Variants in SOX5 observed in about 807,000 individuals in gnomAD.
SOX5 encodes the protein SRY-box transcription factor 5, also known as transcription factor SOX-5.
SOX5 carries 9 observed loss-of-function variants against 92.0 expected under a neutral mutation model. The observed-to-expected ratio is 0.10, with a 90% CI of 0.06 to 0.17. The LOEUF is 0.17. SOX5 is among the 10% of genes least tolerant of loss of function. The pLI is 1.00. For synonymous variants in SOX5, 344 were observed against 336.3 expected (o/e 1.02, Z -0.25); for missense variants, 642 against 944.5 (o/e 0.68, Z 4.20).
At chr12:23,619,555 A>G (rs1191568293) in intron 8 of SOX5, among the ~76,000 whole-genome samples, 1 of 152,140 alleles carries the variant, frequency 6.6e-6, no homozygotes, top group East Asian at 1.9e-4. Context: ...ATTTTAATAC[A>G]GTAGTAGGGT....
chr12:24,210,477 A>T (rs1327803591), intron 4 of SOX5, among the ~76,000 whole-genome samples: 1 of 152,254 alleles, frequency 6.6e-6, no homozygotes, highest in Non-Finnish European at 1.5e-5. Flanking sequence ...AAAGAGTTAC[A>T]TAATTTTCAA....
At chr12:24,524,670 G>C (rs754014481) in intron 1 of SOX5, among the ~76,000 whole-genome samples, 11 of 152,110 alleles carry the variant, frequency 7.2e-5, no homozygotes, top group Non-Finnish European at 1.6e-4. Flanking sequence ...CAAAGGACAA[G>C]TATTGGTGAG....
In SOX5 at chr12:23,547,504, C is replaced by T. The variant is rs555470291; in HGVS notation, c.1489-1080G>A. Among the ~76,000 whole-genome samples the T allele has an allele frequency of 9.2e-5, 14 of 152,084 alleles. No individual in the cohort carries two copies. In the South Asian group the frequency reaches 2.9e-3, roughly 32 times the overall value. On this transcript the variant is annotated intron_variant, in intron 11 of 14. Transcript: ENST00000451604. ...TCAATGATGTAAGATAATTGTATTACAGGTAAAGGGCCCAACTAATGTTCC... is the reference window on the plus strand; with the variant it reads ...TCAATGATGTAAGATAATTGTATTATAGGTAAAGGGCCCAACTAATGTTCC...
chr12:23,590,240 G>C (rs572383722), intron 9 of SOX5, among the ~76,000 whole-genome samples: 1 of 152,058 alleles, frequency 6.6e-6, no homozygotes, highest in Non-Finnish European at 1.5e-5. Flanking sequence ...TGGGAGAAAG[G>C]CAGAAGTATT....
chr12:24,556,199 T>A (rs11047497), intron 1 of SOX5, among the ~76,000 whole-genome samples: 5,799 of 152,310 alleles, frequency 0.038, 175 homozygotes, highest in Admixed American at 0.068. Flanking sequence ...TTCTTACAGG[T>A]CTAATCCCAT....
At chr12:24,065,383 T>G (rs1350869097) in intron 4 of SOX5, among the ~76,000 whole-genome samples, 4 of 151,992 alleles carry the variant, frequency 2.6e-5, no homozygotes, top group African/African-American at 9.7e-5. Context: ...GTGTGGTGGC[T>G]CATGCCATTA....
At chr12:23,619,631 C>T (rs2076953615) in intron 8 of SOX5, among the ~76,000 whole-genome samples, 2 of 152,090 alleles carry the variant, frequency 1.3e-5, no homozygotes, top group African/African-American at 4.8e-5. Flanking sequence ...TTTATGGAGG[C>T]TGGGCTCTTC....
intron 1 of SOX5, among the ~76,000 whole-genome samples, chr12:24,469,082 C>T (rs996526275): frequency 1.3e-5 from 2 of 152,176 alleles, no homozygotes; most frequent in African/African-American, 4.8e-5. Context: ...GAGCTCTGAT[C>T]TTGTTTTTCT....
intron 4 of SOX5, among the ~76,000 whole-genome samples, chr12:24,139,886 T>C (rs1263801445): frequency 1.3e-5 from 2 of 152,156 alleles, no homozygotes; most frequent in African/African-American, 4.8e-5. Flanking sequence ...CTGGATAAGA[T>C]GATACTTTCC....
chr12:24,343,931 C>T (rs1255291541), intron 2 of SOX5, among the ~76,000 whole-genome samples: 1 of 152,076 alleles, frequency 6.6e-6, no homozygotes, highest in Non-Finnish European at 1.5e-5. Flanking sequence ...TACTTTATAA[C>T]TTTGGATGAC....
At chr12:23,624,465 A>G (rs2077528524) in intron 8 of SOX5, among the ~76,000 whole-genome samples, 1 of 152,196 alleles carries the variant, frequency 6.6e-6, no homozygotes, top group Admixed American at 6.5e-5. Context: ...ACCTCAGCAA[A>G]ATAAGGTGAG....
At chr12:24,511,369 A>T (rs1422910775) in intron 1 of SOX5, among the ~76,000 whole-genome samples, 2 of 152,200 alleles carry the variant, frequency 1.3e-5, no homozygotes, top group African/African-American at 2.4e-5. Flanking sequence ...CCAATGTTCC[A>T]TGACTATGTG....
At chr12:24,245,607 T>G (rs1049702997) in intron 3 of SOX5, among the ~76,000 whole-genome samples, 1 of 151,980 alleles carries the variant, frequency 6.6e-6, no homozygotes, top group East Asian at 1.9e-4. Context: ...TTTGCCAGCT[T>G]GGGGGTAGGG....
At chr12:24,105,181 T>C (rs1946533774) in intron 4 of SOX5, among the ~76,000 whole-genome samples, 2 of 152,194 alleles carry the variant, frequency 1.3e-5, no homozygotes, top group African/African-American at 4.8e-5. Flanking sequence ...CACATTTGTT[T>C]AAGGTTCATA....
At chr12:23,891,581 A>G (rs1001491263) in intron 2 of SOX5, among the ~76,000 whole-genome samples, 3 of 144,810 alleles carry the variant, frequency 2.1e-5, no homozygotes, top group African/African-American at 7.7e-5. Context: ...AATGTCACAC[A>G]CAAATACACA....
intron 3 of SOX5, among the ~76,000 whole-genome samples, chr12:23,801,827 G>C (rs1460979961): frequency 2.0e-5 from 3 of 152,112 alleles, no homozygotes; most frequent in South Asian, 2.1e-4. Flanking sequence ...TGTATAGTTA[G>C]GGGAAACAAA....
intron 1 of SOX5, among the ~76,000 whole-genome samples, chr12:24,391,916 A>C (rs551768497): frequency 1.3e-5 from 2 of 152,266 alleles, no homozygotes; most frequent in Admixed American, 1.3e-4. Flanking sequence ...GGTTATTTCA[A>C]ATGTTACCAA....
At chr12:23,557,729 G>A (rs1168925961) in intron 11 of SOX5, among the ~76,000 whole-genome samples, 6 of 152,086 alleles carry the variant, frequency 3.9e-5, no homozygotes, top group Non-Finnish European at 7.4e-5. Context: ...TCATCCCAGC[G>A]CTTTGGGAGG....
chr12:24,135,634 A>G (rs958275242), intron 4 of SOX5, among the ~76,000 whole-genome samples: 1 of 152,240 alleles, frequency 6.6e-6, no homozygotes, highest in Non-Finnish European at 1.5e-5. Context: ...CACTTATAAT[A>G]ATTACAACAG....
Sources: allele counts gnomAD v4.1 joint callset (sites outside exome capture counted in the v4.1 genomes callset), GRCh38; gene constraint gnomAD v4.1.1; transcripts MANE v1.5; gene names NCBI Gene and HGNC (gene_info 2026-07-23, HGNC 2026-07-21).